The following PPFIA2 variants were observed in gnomAD, a reference collection of about 807,000 sequenced individuals.
PPFIA2 encodes PPFI scaffold protein A2.
A neutral mutation model predicts 175.5 loss-of-function variants in PPFIA2; 46 were observed. That is an observed-to-expected ratio of 0.26 (90% CI 0.21 to 0.34). PPFIA2 has a LOEUF of 0.34. Among genes scored for constraint, PPFIA2 ranks in the 10% least tolerant of loss-of-function variants. The pLI, the probability that PPFIA2 is intolerant of heterozygous loss-of-function variation, is 1.00. For missense variants in PPFIA2, 1,179 were observed against 1,506.1 expected (o/e 0.78, Z 3.60); for synonymous variants, 568 against 511.4 (o/e 1.11, Z -1.49).
At chr12:81,746,655 A>T (rs2083106983) in intron 3 of PPFIA2, among the ~76,000 whole-genome samples, 1 of 144,410 alleles carries the variant, frequency 6.9e-6, no homozygotes, top group Non-Finnish European at 1.6e-5. Flanking sequence ...CTTGCAAAAT[A>T]GCCAGCTTAG....
chr12:81,270,645 C>G (rs1036392029), intron 28 of PPFIA2: 2 of 152,200 alleles, frequency 1.3e-5, no homozygotes, highest in African/African-American at 2.4e-5. Context: ...ATAGCAGATT[C>G]TTTTCAGTAG....
intron 4 of PPFIA2, among the ~76,000 whole-genome samples, chr12:81,550,040 A>G (rs918279703): frequency 6.6e-6 from 1 of 152,058 alleles, no homozygotes; most frequent in Non-Finnish European, 1.5e-5. Flanking sequence ...ATATCCTATT[A>G]CAAAAACAGT....
rs543027601 is a variant in PPFIA2 at position 81,312,537 on chromosome 12, A to T, written c.2643-13155T>A. On this transcript the variant is annotated intron_variant, in intron 22 of 32. Coordinates refer to ENST00000549396, the MANE Select transcript of PPFIA2 (RefSeq NM_003625.5). ...GCCACTTCCATGCTATTTTACCAGT[A>T]GAAACAATAACTTATTAATTGGCAC... 5 of 227,682 alleles carry T rather than the reference A, an allele frequency of 2.2e-5. No individual in the cohort carries two copies. In the East Asian group the frequency reaches 2.8e-4, roughly 13 times the overall value. 14.1% of individuals were successfully genotyped at this position (227,682 alleles called of 1,614,324 possible). A position where few individuals can be genotyped will look rare whatever the true frequency, so the allele number is the denominator to read the frequency against.
At chr12:81,297,803 C>T (rs2046864648) in intron 23 of PPFIA2, among the ~76,000 whole-genome samples, 1 of 152,162 alleles carries the variant, frequency 6.6e-6, no homozygotes, top group South Asian at 2.1e-4. Flanking sequence ...GCATGTGAAG[C>T]ATGGAATTCT....
intron 3 of PPFIA2, among the ~76,000 whole-genome samples, chr12:81,724,309 T>G (rs1010926801): frequency 2.6e-5 from 4 of 151,030 alleles, no homozygotes; most frequent in Non-Finnish European, 5.9e-5. Context: ...TATGTAATTT[T>G]GAGCCTTCTA....
At chr12:81,655,172 T>C (rs1269992025) in intron 4 of PPFIA2, among the ~76,000 whole-genome samples, 2 of 152,052 alleles carry the variant, frequency 1.3e-5, no homozygotes, top group East Asian at 1.9e-4. Context: ...AGTTCTGCTA[T>C]TGTTTATCTG....
chr12:81,541,209 G>T (rs553776111), intron 4 of PPFIA2, among the ~76,000 whole-genome samples: 1 of 151,898 alleles, frequency 6.6e-6, no homozygotes, highest in Non-Finnish European at 1.5e-5. Flanking sequence ...GAATCAGTTA[G>T]GCTGTTTCCA....
At chr12:81,438,689 A>G (rs2049562524) in intron 7 of PPFIA2, among the ~76,000 whole-genome samples, 1 of 152,146 alleles carries the variant, frequency 6.6e-6, no homozygotes, top group African/African-American at 2.4e-5. Context: ...TTATTGATCC[A>G]TAATAGATGT....
intron 4 of PPFIA2, among the ~76,000 whole-genome samples, chr12:81,574,274 C>T (rs1013843366): frequency 1.3e-5 from 2 of 151,748 alleles, no homozygotes; most frequent in Non-Finnish European, 2.9e-5. Context: ...ATTGATGGGA[C>T]ATTCTGGATA....
intron 8 of PPFIA2, among the ~76,000 whole-genome samples, chr12:81,403,758 C>T (rs1313017259): frequency 6.6e-6 from 1 of 152,124 alleles, no homozygotes; most frequent in Non-Finnish European, 1.5e-5. Context: ...CTTCAGTAAA[C>T]ATGCTGTGCA....
intron 4 of PPFIA2, among the ~76,000 whole-genome samples, chr12:81,610,514 T>A (rs1268493942): frequency 6.6e-6 from 1 of 152,216 alleles, no homozygotes; most frequent in African/African-American, 2.4e-5. Context: ...GCTTGGTCTG[T>A]TCTGCTGTTA....
chr12:81,731,937 A>G (rs1321093013), intron 3 of PPFIA2, among the ~76,000 whole-genome samples: 1 of 151,582 alleles, frequency 6.6e-6, no homozygotes, highest in Non-Finnish European at 1.5e-5. Context: ...TCAGCAGTGC[A>G]GGGGTGGGTG....
intron 7 of PPFIA2, among the ~76,000 whole-genome samples, chr12:81,406,842 T>C (rs1456770370): frequency 6.6e-6 from 1 of 152,152 alleles, no homozygotes; most frequent in African/African-American, 2.4e-5. Context: ...AATATTAAAC[T>C]TACATGTGGA....
chr12:81,321,586 G>C (rs2053662438), intron 22 of PPFIA2, among the ~76,000 whole-genome samples: 1 of 152,008 alleles, frequency 6.6e-6, no homozygotes, highest in Admixed American at 6.6e-5. Flanking sequence ...TTCTGTGTCA[G>C]GTAGATTTAA....
At chr12:81,540,092 G>A (rs937825234) in intron 4 of PPFIA2, among the ~76,000 whole-genome samples, 4 of 151,818 alleles carry the variant, frequency 2.6e-5, no homozygotes, top group Non-Finnish European at 4.4e-5. Context: ...GAAAGAGAGA[G>A]ACCAATAGAT....
intron 18 of PPFIA2, 161 bp from the exon 19 acceptor site, chr12:81,344,854 C>A: frequency 1.9e-6 from 1 of 530,092 alleles, no homozygotes; most frequent in Non-Finnish European, 3.3e-6. Context: ...TAAAAGCACT[C>A]CGCCTGGTAG....
chr12:81,488,961 A>G (rs1440074910), intron 4 of PPFIA2, among the ~76,000 whole-genome samples: 2 of 151,894 alleles, frequency 1.3e-5, no homozygotes, highest in Admixed American at 6.6e-5. Context: ...CAATGATTCT[A>G]TGACTGCAGG....
At chr12:81,686,160 C>T (rs1402758146) in intron 3 of PPFIA2, among the ~76,000 whole-genome samples, 1 of 152,032 alleles carries the variant, frequency 6.6e-6, no homozygotes, top group African/African-American at 2.4e-5. Context: ...TACTTATTCA[C>T]TATCTGAAGA....
In PPFIA2 at chr12:81,478,609, A is replaced by G. The variant is rs559128076; in HGVS notation, c.304-20743T>C. Reference sequence around the variant, plus strand: ...TTAGCTGTGTCCCAGATATTCTGCTACATTGTGTCTTTGTTCTTATTGGTT... The same window carrying G: ...TTAGCTGTGTCCCAGATATTCTGCTGCATTGTGTCTTTGTTCTTATTGGTT... On this transcript the variant is annotated intron_variant, in intron 4 of 32. Coordinates refer to ENST00000549396, the MANE Select transcript of PPFIA2 (RefSeq NM_003625.5). Among the ~76,000 whole-genome samples the G allele has an allele frequency of 1.0e-3, 156 of 152,304 alleles. 1 individual carries two copies. Among genetic ancestry groups the G allele is most frequent in the African/African-American group, 3.3e-3 (137 of 41,576 alleles).
Sources: allele counts gnomAD v4.1 joint callset (sites outside exome capture counted in the v4.1 genomes callset), GRCh38; gene constraint gnomAD v4.1.1; transcripts MANE v1.5; gene names NCBI Gene and HGNC (gene_info 2026-07-23, HGNC 2026-07-21).